ARHGEF28: variants seen among roughly 807,000 people sequenced by gnomAD.
ARHGEF28 encodes the protein 190 kDa guanine nucleotide exchange factor.
A neutral mutation model predicts 206.6 loss-of-function variants in ARHGEF28; 152 were observed. That is an observed-to-expected ratio of 0.74 (90% CI 0.64 to 0.84). ARHGEF28 has a LOEUF of 0.84. Ranked by LOEUF, ARHGEF28 falls within the 40% of genes least tolerant of loss-of-function variation. The pLI, the probability that ARHGEF28 is intolerant of heterozygous loss-of-function variation, is 0.00. For synonymous variants in ARHGEF28, 763 were observed against 776.4 expected (o/e 0.98, Z 0.29); for missense variants, 2,028 against 2,073.2 (o/e 0.98, Z 0.42).
At chr5:73,813,980 C>T (rs1461038321) in intron 9 of ARHGEF28, among the ~76,000 whole-genome samples, 1 of 151,200 alleles carries the variant, frequency 6.6e-6, no homozygotes, top group East Asian at 1.9e-4. Context: ...TCAGAATTAC[C>T]TTGGAGTTAC....
chr5:73,736,106 G>A (rs551808953), intron 2 of ARHGEF28, among the ~76,000 whole-genome samples: 1 of 152,310 alleles, frequency 6.6e-6, no homozygotes, highest in African/African-American at 2.4e-5. Flanking sequence ...ATTGAATGAA[G>A]GAATAAGAGA....
intron 34 of ARHGEF28, among the ~76,000 whole-genome samples, chr5:73,910,381 CAAAAA>C (rs60086897): frequency 3.2e-5 from 1 of 31,008 alleles, no homozygotes; most frequent in African/African-American, 1.5e-4. Flanking sequence ...AACACCATCT[CAAAAA>C]AAAAAAAAAA....
intron 7 of ARHGEF28, among the ~76,000 whole-genome samples, chr5:73,787,315 G>A (rs1754222625): frequency 1.3e-5 from 2 of 152,188 alleles, no homozygotes; most frequent in Admixed American, 1.3e-4. Flanking sequence ...TTTCCTAGAA[G>A]TAGGGTATTT....
chr5:73,823,685 T>A (rs1014238505), intron 9 of ARHGEF28, among the ~76,000 whole-genome samples: 1 of 152,244 alleles, frequency 6.6e-6, no homozygotes, highest in African/African-American at 2.4e-5. Flanking sequence ...CAAGTCACAC[T>A]GTAACACATT....
chr5:73,791,608 T>C (rs1356495407), intron 7 of ARHGEF28, among the ~76,000 whole-genome samples: 1 of 152,030 alleles, frequency 6.6e-6, no homozygotes, highest in Non-Finnish European at 1.5e-5. Flanking sequence ...CTCTGTGGTC[T>C]CATTTGCAAA....
intron 6 of ARHGEF28, chr5:73,777,938 G>A (rs190861291): frequency 6.6e-6 from 1 of 152,566 alleles, no homozygotes; most frequent in African/African-American, 2.4e-5. Context: ...AATTAGCTGG[G>A]CGCAGTGGCA....
chr5:73,836,148 C>T lies in ARHGEF28; in HGVS notation c.1146+3689C>T, dbSNP rs1757619022. Among the ~76,000 whole-genome samples, 3 of 151,986 alleles carry T rather than the reference C, an allele frequency of 2.0e-5. No individual in the cohort carries two copies. The South Asian group carries it at 6.2e-4, about 32-fold the overall frequency. Reference sequence around the variant, plus strand: ...TCTCTTTGGGATAGTGATTCTGTTTCCTTTGGATATATACTCAGTGGTGGG... The same window carrying T: ...TCTCTTTGGGATAGTGATTCTGTTTTCTTTGGATATATACTCAGTGGTGGG... On this transcript the variant is annotated intron_variant, in intron 10 of 35. Transcript: ENST00000513042.
rs183283394 is a variant in ARHGEF28 at position 73,767,065 on chromosome 5, T to G, written c.476-6790T>G. Among the ~76,000 whole-genome samples, 8 of 152,284 alleles carry G rather than the reference T, an allele frequency of 5.3e-5. No individual in the cohort carries two copies. In the East Asian group the frequency reaches 1.5e-3, roughly 29 times the overall value. On this transcript the variant is annotated intron_variant, in intron 4 of 35. Transcript: ENST00000513042. ...TCTGATGGTTTTTAAAATAGGAGTT[T>G]CCCTGCACAAGCTCTCTCTCTTGCC... is the stretch of plus-strand genomic sequence containing the variant.
At chr5:73,686,402 G>C (rs1747472017) in intron 2 of ARHGEF28, among the ~76,000 whole-genome samples, 1 of 151,868 alleles carries the variant, frequency 6.6e-6, no homozygotes, top group Admixed American at 6.6e-5. Flanking sequence ...TTTGACCATA[G>C]ACTTACTAGA....
intron 14 of ARHGEF28, among the ~76,000 whole-genome samples, chr5:73,856,394 G>T (rs146084608): frequency 1.6e-4 from 25 of 152,112 alleles, no homozygotes; most frequent in Non-Finnish European, 3.4e-4. Context: ...TACTGTGCAG[G>T]CTTTAAGTAA....
At chr5:73,632,791 TG>T (rs1743449835) in intron 1 of ARHGEF28, among the ~76,000 whole-genome samples, 6 of 152,166 alleles carry the variant, frequency 3.9e-5, no homozygotes, top group Admixed American at 3.9e-4. Flanking sequence ...AGATGCTATC[TG>T]ACGGTGTAGA....
At chr5:73,774,902 G>A (rs185286690) in intron 5 of ARHGEF28, among the ~76,000 whole-genome samples, 11 of 152,302 alleles carry the variant, frequency 7.2e-5, no homozygotes, top group Non-Finnish European at 8.8e-5. Context: ...GTATTATTAT[G>A]TGGCATGTTC....
chr5:73,648,552 T>A (rs1744589818), intron 1 of ARHGEF28, among the ~76,000 whole-genome samples: 1 of 152,242 alleles, frequency 6.6e-6, no homozygotes, highest in Non-Finnish European at 1.5e-5. Flanking sequence ...GAATCATGAA[T>A]GCAGATTCTC....
At chr5:73,675,788 A>G (rs377652424) in intron 1 of ARHGEF28, among the ~76,000 whole-genome samples, 15 of 151,878 alleles carry the variant, frequency 9.9e-5, no homozygotes, top group African/African-American at 2.7e-4. Flanking sequence ...TTATATTTCA[A>G]TTCCTTGGCT....
At chr5:73,904,517 TA>T in intron 33 of ARHGEF28, 112 bp downstream of exon 33, 1 of 1,182,554 alleles carries the variant, frequency 8.5e-7, no homozygotes, top group Non-Finnish European at 1.2e-6. Flanking sequence ...GGAATGATCT[TA>T]AAAGAATGAC....
chr5:73,830,494 C>T (rs2112556808), intron 9 of ARHGEF28, among the ~76,000 whole-genome samples: 1 of 149,242 alleles, frequency 6.7e-6, no homozygotes, highest in Non-Finnish European at 1.5e-5. Context: ...GTGGAGCTTG[C>T]AGTGAGCCGA....
chr5:73,746,526 T>C (rs1054204754), intron 2 of ARHGEF28, among the ~76,000 whole-genome samples: 2 of 148,734 alleles, frequency 1.3e-5, no homozygotes, highest in Non-Finnish European at 3.0e-5. Flanking sequence ...ATCATGTCAA[T>C]GCAGATGAAA....
At chr5:73,660,203 A>G (rs1561315508) in intron 1 of ARHGEF28, among the ~76,000 whole-genome samples, 1 of 152,222 alleles carries the variant, frequency 6.6e-6, no homozygotes, top group Non-Finnish European at 1.5e-5. Context: ...CGTTCACAGC[A>G]TCTTCACTAG....
chr5:73,914,075 G>A (rs1180882842), intron 35 of ARHGEF28, among the ~76,000 whole-genome samples: 3 of 152,088 alleles, frequency 2.0e-5, no homozygotes, highest in Non-Finnish European at 4.4e-5. Context: ...GGTTTTTTCA[G>A]TACAGCCTCA....
Sources: allele counts gnomAD v4.1 joint callset (sites outside exome capture counted in the v4.1 genomes callset), GRCh38; gene constraint gnomAD v4.1.1; transcripts MANE v1.5; gene names NCBI Gene and HGNC (gene_info 2026-07-23, HGNC 2026-07-21).